Variants in NOTCH2NLR observed in about 807,000 individuals in gnomAD.
NOTCH2NLR encodes the protein notch 2 N-terminal like R (pseudogene).
NOTCH2NLR carries 33 observed loss-of-function variants against 35.6 expected under a neutral mutation model. The observed-to-expected ratio is 0.93, with a 90% CI of 0.70 to 1.24. The LOEUF (loss-of-function observed/expected upper bound fraction) is 1.24, where lower values mean the gene tolerates loss of function less well. Among genes scored for constraint, NOTCH2NLR ranks in the 50% most tolerant of loss-of-function variants. NOTCH2NLR has a pLI of 0.00. For synonymous variants in NOTCH2NLR, 103 were observed against 141.0 expected (o/e 0.73, Z 1.91); for missense variants, 276 against 362.2 (o/e 0.76, Z 1.93).
At chr1:120,770,270 T>G (rs1651247770) in intron 2 of NOTCH2NLR, among the ~76,000 whole-genome samples, 1 of 106,102 alleles carries the variant, frequency 9.4e-6, no homozygotes, top group Non-Finnish European at 1.8e-5. Flanking sequence ...CCCGGGTTCA[T>G]GCCATTCTCC....
rs1405234837 is a variant in NOTCH2NLR at position 120,770,479 on chromosome 1, G to GT, written c.155+6777dup. Among the ~76,000 whole-genome samples, 17 of 114,034 alleles carry GT rather than the reference G, an allele frequency of 1.5e-4. 1 individual carries two copies. In the South Asian group the frequency reaches 3.0e-3, roughly 20 times the overall value. 74.8% of individuals were successfully genotyped at this position (114,034 alleles called of 152,430 possible). A position where few individuals can be genotyped will look rare whatever the true frequency, so the allele number is the denominator to read the frequency against. On this transcript the variant is annotated intron_variant, in intron 2 of 4. Transcript: ENST00000624419. ...CCACCACACCCAGCCGAGGACATAG[G>GT]TTTTTTTATGCCAGATAGACTTAAG...
At chr1:120,769,968 CA>C (rs2101424993) in intron 2 of NOTCH2NLR, among the ~76,000 whole-genome samples, 1 of 109,640 alleles carries the variant, frequency 9.1e-6, no homozygotes, top group East Asian at 2.2e-4. Flanking sequence ...ACTCACTAAT[CA>C]AAATAATGTT....
chr1:120,748,243 A>G (rs1176311891), intron 1 of NOTCH2NLR, among the ~76,000 whole-genome samples: 1,378 of 7,714 alleles, frequency 0.18, 23 homozygotes, highest in Middle Eastern at 0.22. Context: ...CTACTGCTGC[A>G]TGCAAGGGTT....
At chr1:120,764,140 G>T (rs1399914506) in intron 2 of NOTCH2NLR, among the ~76,000 whole-genome samples, 1 of 112,264 alleles carries the variant, frequency 8.9e-6, no homozygotes, top group Non-Finnish European at 1.7e-5. Context: ...CCAGCTACTC[G>T]GGAGGCTGAG....
At chr1:120,791,375 T>C (rs1253389912) in intron 3 of NOTCH2NLR, among the ~76,000 whole-genome samples, 1 of 106,900 alleles carries the variant, frequency 9.4e-6, no homozygotes, top group African/African-American at 6.1e-5. Flanking sequence ...CTATTCACAA[T>C]AGCAAAGAGT....
In NOTCH2NLR at chr1:120,724,326, C is replaced by A; in HGVS notation, c.73+76C>A. On this transcript the variant is annotated intron_variant, in intron 1 of 4. Transcript: ENST00000624419. ...GGGGCGACCCTTCTCCCCCTCAGTCCTTCTCTGTGTGGGAAGGCCAGGCTC... is the reference window on the plus strand; with the variant it reads ...GGGGCGACCCTTCTCCCCCTCAGTCATTCTCTGTGTGGGAAGGCCAGGCTC... 4.4e-6 allele frequency: 6 copies of A among 1,361,156 alleles called. 1 individual carries two copies. Among genetic ancestry groups the A allele is most frequent in the Non-Finnish European group, 5.7e-6 (6 of 1,044,658 alleles). 84.3% of individuals were successfully genotyped at this position (1,361,156 alleles called of 1,614,324 possible). A position where few individuals can be genotyped will look rare whatever the true frequency, so the allele number is the denominator to read the frequency against.
chr1:120,790,763 C>T (rs1476588313), intron 3 of NOTCH2NLR, among the ~76,000 whole-genome samples: 1 of 108,308 alleles, frequency 9.2e-6, no homozygotes, highest in Non-Finnish European at 1.7e-5. Context: ...TGAAGCCCGG[C>T]TAATTTTTGT....
chr1:120,745,043 C>A (rs1650965270), intron 1 of NOTCH2NLR, among the ~76,000 whole-genome samples: 1 of 46,464 alleles, frequency 2.2e-5, no homozygotes, highest in Non-Finnish European at 3.6e-5. Flanking sequence ...TTGCTTGAGC[C>A]CCAGAGGTTG....
chr1:120,789,960 T>C lies in NOTCH2NLR; in HGVS notation c.416-3201T>C, dbSNP rs1300434962. Among the ~76,000 whole-genome samples the C allele has an allele frequency of 9.4e-3, 818 of 87,398 alleles. 175 individuals carry two copies. Among genetic ancestry groups the C allele is most frequent in the Non-Finnish European group, 0.011 (523 of 49,360 alleles). The allele number at this position is 87,398 out of a possible 152,430, so 57.3% of individuals were successfully genotyped here. A position where few individuals can be genotyped will look rare whatever the true frequency, so the allele number is the denominator to read the frequency against. On this transcript the variant is annotated intron_variant, in intron 3 of 4. Transcript: ENST00000624419. ...TGGTCCCAAATTAAAACTTCTTCCT[T>C]GTTGTTAAGAAGGATCTCTTCTTGG...
rs1651478749 is a variant in NOTCH2NLR at position 120,790,573 on chromosome 1, TTTC to T, written c.416-2585_416-2583del. On this transcript the variant is annotated intron_variant, in intron 3 of 4. Transcript: ENST00000624419. ...CTTTCTTTCTTTCTTTCTTTCTTTC[TTTC>T]TTTCTTTCTTTCTTTCTCTTTCTCT... Among the ~76,000 whole-genome samples the T allele has an allele frequency of 1.9e-5, 2 of 106,728 alleles. 1 individual carries two copies. 70.0% of individuals were successfully genotyped at this position (106,728 alleles called of 152,430 possible). A position where few individuals can be genotyped will look rare whatever the true frequency, so the allele number is the denominator to read the frequency against.
intron 1 of NOTCH2NLR, among the ~76,000 whole-genome samples, chr1:120,752,554 ATTTTTTTTT>A (rs1188849971): frequency 5.3e-4 from 2 of 3,746 alleles, no homozygotes; most frequent in African/African-American, 3.4e-3. Flanking sequence ...ATATATATAT[ATTTTTTTTT>A]TTTTTTTTTT....
At chr1:120,784,805 G>C (rs1459326885) in intron 2 of NOTCH2NLR, among the ~76,000 whole-genome samples, 169 bp from the exon 3 acceptor site, 1 of 118,856 alleles carries the variant, frequency 8.4e-6, no homozygotes, top group African/African-American at 4.9e-5. Flanking sequence ...ACGTGGTTAA[G>C]TTCTCTAAGG....
In NOTCH2NLR at chr1:120,766,493, C is replaced by CA. The variant is rs1168983099; in HGVS notation, c.155+2791dup. Among the ~76,000 whole-genome samples the CA allele has an allele frequency of 8.4e-5, 2 of 23,682 alleles. 1 individual carries two copies. Among genetic ancestry groups the CA allele is most frequent in the Non-Finnish European group, 1.4e-4 (2 of 14,302 alleles). 15.5% of individuals were successfully genotyped at this position (23,682 alleles called of 152,430 possible). On this transcript the variant is annotated intron_variant, in intron 2 of 4. Transcript: ENST00000624419. ...TGAAATCCCATCTCTACTAAAAATG[C>CA]AAAAAAATTAGCTGGGCGTGGTGGC...
intron 3 of NOTCH2NLR, among the ~76,000 whole-genome samples, chr1:120,792,624 T>C (rs1383557517): frequency 9.3e-6 from 1 of 107,480 alleles, no homozygotes; most frequent in African/African-American, 5.0e-5. Flanking sequence ...GCCTCAGCCT[T>C]CCAAGTAGCT....
chr1:120,767,681 T>A (rs1473893140), intron 2 of NOTCH2NLR, among the ~76,000 whole-genome samples: 2 of 108,814 alleles, frequency 1.8e-5, no homozygotes, highest in Admixed American at 1.8e-4. Flanking sequence ...CTTGTCCTAC[T>A]GGGAGGTGTA....
In NOTCH2NLR at chr1:120,779,573, C is replaced by T. The variant is rs1245884063; in HGVS notation, c.156-5401C>T. 2.5e-4 allele frequency among the ~76,000 whole-genome samples: 30 copies of T among 120,768 alleles called. 2 individuals carry two copies. The East Asian group carries it at 4.5e-3, about 18-fold the overall frequency. 79.2% of individuals were successfully genotyped at this position (120,768 alleles called of 152,430 possible). On this transcript the variant is annotated intron_variant, in intron 2 of 4. Transcript: ENST00000624419. ...GGAGGGAAACATTCATATAGTTTTGCGGATGAAAGGCATCTGTTAGATTTT... is the reference window on the plus strand; with the variant it reads ...GGAGGGAAACATTCATATAGTTTTGTGGATGAAAGGCATCTGTTAGATTTT...
Position 120,781,766 on chromosome 1 carries a change from G to T in NOTCH2NLR, c.156-3208G>T, listed in dbSNP as rs1651364128. Among the ~76,000 whole-genome samples, 3 of 115,530 alleles carry T rather than the reference G, an allele frequency of 2.6e-5. 1 individual carries two copies. Among genetic ancestry groups the T allele is most frequent in the Non-Finnish European group, 3.4e-5 (2 of 59,472 alleles). The allele number at this position is 115,530 out of a possible 152,430, so 75.8% of individuals were successfully genotyped here. A position where few individuals can be genotyped will look rare whatever the true frequency, so the allele number is the denominator to read the frequency against. ...TTTTAGTAGAGACAGGACTGTGTTA[G>T]CCAGGATGGTCTCGATCTCCTGACC... On this transcript the variant is annotated intron_variant, in intron 2 of 4. Transcript: ENST00000624419.
chr1:120,770,161 C>G (rs1439656338), intron 2 of NOTCH2NLR, among the ~76,000 whole-genome samples: 2 of 98,698 alleles, frequency 2.0e-5, no homozygotes, highest in East Asian at 4.6e-4. Flanking sequence ...ATGAAGAGGA[C>G]ATAGTTTTTT....
chr1:120,769,620 T>C lies in NOTCH2NLR; in HGVS notation c.155+5911T>C, dbSNP rs1216887911. ...ATACCTCTCATAGAGTAATCTTTTC[T>C]TAAAATGTAATGTGTTCAGGTTTTA... On this transcript the variant is annotated intron_variant, in intron 2 of 4. Coordinates refer to ENST00000624419, the Ensembl canonical transcript of NOTCH2NLR. Among the ~76,000 whole-genome samples, 2 of 122,454 alleles carry C rather than the reference T, an allele frequency of 1.6e-5. 1 individual carries two copies. Among genetic ancestry groups the C allele is most frequent in the African/African-American group, 8.4e-5 (2 of 23,670 alleles). 80.3% of individuals were successfully genotyped at this position (122,454 alleles called of 152,430 possible).
Sources: gnomAD v4.1 joint callset for allele counts (sites outside exome capture counted in the v4.1 genomes callset) on GRCh38, gnomAD v4.1.1 for gene constraint, MANE v1.5 for transcripts, NCBI Gene and HGNC (gene_info 2026-07-23, HGNC 2026-07-21) for gene names.